Variants in SPATS2L observed in about 807,000 individuals in gnomAD.
SPATS2L encodes SPATS2-like protein.
A neutral mutation model predicts 59.6 loss-of-function variants in SPATS2L; 30 were observed. The observed-to-expected ratio is 0.50, with a 90% CI of 0.38 to 0.68. SPATS2L has a LOEUF of 0.68. Ranked by LOEUF, SPATS2L falls within the 30% of genes least tolerant of loss-of-function variation. SPATS2L has a pLI of 0.00. For synonymous variants in SPATS2L, 252 were observed against 263.5 expected (o/e 0.96, Z 0.42); for missense variants, 615 against 700.0 (o/e 0.88, Z 1.37).
At chr2:200,369,158 A>T (rs559307175) in intron 2 of SPATS2L, among the ~76,000 whole-genome samples, 4 of 150,996 alleles carry the variant, frequency 2.6e-5, no homozygotes, top group African/African-American at 9.7e-5. Context: ...CATTTATTTT[A>T]TTTATTTATT....
rs554677348 is a variant in SPATS2L, at chr2:200,379,464, C to T, written c.-22-9759C>T. ...TTCCCCACAGACCCTGGTGCATTGT[C>T]GGTGTTTAATGAATGTTTGTCAAAT... On this transcript the variant is annotated intron_variant, in intron 2 of 12. Coordinates refer to ENST00000409140, the MANE Select transcript of SPATS2L (RefSeq NM_001100423.2). Among the ~76,000 whole-genome samples, 7 of 152,188 alleles carry T rather than the reference C, an allele frequency of 4.6e-5. No homozygotes were observed. In the South Asian group the frequency reaches 1.0e-3, roughly 23 times the overall value.
At chr2:200,446,079 C>T (rs2085023782) in intron 8 of SPATS2L, among the ~76,000 whole-genome samples, 2 of 152,184 alleles carry the variant, frequency 1.3e-5, no homozygotes, top group Admixed American at 1.3e-4. Context: ...TGGCTCACGC[C>T]TGTAATCCCA....
At chr2:200,380,138 G>A (rs1014736155) in intron 2 of SPATS2L, among the ~76,000 whole-genome samples, 10 of 152,118 alleles carry the variant, frequency 6.6e-5, no homozygotes, top group Admixed American at 2.0e-4. Context: ...CCTGCCGTGC[G>A]TCCTCCTCCC....
chr2:200,328,744 T>C (rs997162027), intron 1 of SPATS2L, among the ~76,000 whole-genome samples: 1 of 152,192 alleles, frequency 6.6e-6, no homozygotes, highest in African/African-American at 2.4e-5. Flanking sequence ...AAGTGATGGG[T>C]GACCGAGTGA....
intron 5 of SPATS2L, 105 bp from the exon 6 acceptor site, chr2:200,419,145 C>A (rs1219573005): frequency 8.5e-7 from 1 of 1,173,138 alleles, no homozygotes; most frequent in Non-Finnish European, 1.2e-6. Context: ...ATAAGAAGAG[C>A]CAGGAACCAA....
chr2:200,385,756 G>A (rs1352696186), intron 2 of SPATS2L, among the ~76,000 whole-genome samples: 4 of 151,728 alleles, frequency 2.6e-5, no homozygotes, highest in Non-Finnish European at 4.4e-5. Flanking sequence ...GCAGTGGTGC[G>A]ATCTTGGCTC....
At chr2:200,448,537 GT>G (rs534846616) in intron 8 of SPATS2L, among the ~76,000 whole-genome samples, 1 of 152,186 alleles carries the variant, frequency 6.6e-6, no homozygotes, top group Non-Finnish European at 1.5e-5. Context: ...TTTGAATTGT[GT>G]TTTTTAATGT....
At chr2:200,448,350 G>A (rs1267464726) in intron 8 of SPATS2L, among the ~76,000 whole-genome samples, 1 of 152,174 alleles carries the variant, frequency 6.6e-6, no homozygotes, top group Non-Finnish European at 1.5e-5. Flanking sequence ...GCTGAGGCAG[G>A]AGAATCACTT....
chr2:200,473,828 T>C (rs530761502), intron 12 of SPATS2L, among the ~76,000 whole-genome samples: 19 of 152,064 alleles, frequency 1.2e-4, no homozygotes, highest in South Asian at 2.1e-4. Context: ...GGTGAAACCC[T>C]GTCTCTACTA....
At chr2:200,372,334 A>G (rs2081453016) in intron 2 of SPATS2L, 1 of 266,932 alleles carries the variant, frequency 3.7e-6, no homozygotes. Flanking sequence ...GAGTCTCACT[A>G]CCTCCCAGGA....
At chr2:200,454,625 T>C (rs893943648) in intron 8 of SPATS2L, among the ~76,000 whole-genome samples, 1 of 152,342 alleles carries the variant, frequency 6.6e-6, no homozygotes, top group East Asian at 1.9e-4. Context: ...CCTTACACCT[T>C]ATTGCTTTGA....
chr2:200,427,152 G>C (rs1174531766), intron 6 of SPATS2L, among the ~76,000 whole-genome samples: 3 of 152,038 alleles, frequency 2.0e-5, no homozygotes, highest in Non-Finnish European at 4.4e-5. Flanking sequence ...TTAATTAAAT[G>C]GAATGTACCA....
At chr2:200,309,080 C>T (rs1315089124) in intron 1 of SPATS2L, 2 of 717,956 alleles carry the variant, frequency 2.8e-6, no homozygotes, top group Non-Finnish European at 5.2e-6. Flanking sequence ...TTTATGGACC[C>T]GTTTTGCCAT....
At chr2:200,431,806 T>C (rs891340743) in intron 6 of SPATS2L, among the ~76,000 whole-genome samples, 1 of 152,226 alleles carries the variant, frequency 6.6e-6, no homozygotes, top group African/African-American at 2.4e-5. Context: ...AGTTTATATA[T>C]TTCCCCCAAG....
chr2:200,440,637 C>T lies in SPATS2L; in HGVS notation c.653-12C>T, dbSNP rs946010638. The T allele has an allele frequency of 8.1e-6, 13 of 1,607,488 alleles. No individual in the cohort carries two copies. The highest frequency in any genetic ancestry group is 1.0e-5 in the Non-Finnish European group (12 of 1,175,978). On this transcript the variant is annotated splice_polypyrimidine_tract_variant and intron_variant, in intron 7 of 12. Transcript: ENST00000409140. ...TGCTCAAGTTAATAATATTTTTTGA[C>T]ATCAATTTTAGGCCCAAATATTGAG...
At chr2:200,342,594 G>A (rs2080368605) in intron 2 of SPATS2L, among the ~76,000 whole-genome samples, 1 of 152,224 alleles carries the variant, frequency 6.6e-6, no homozygotes, top group South Asian at 2.1e-4. Flanking sequence ...GTCCCATGGG[G>A]GAAGTGGAGA....
At chr2:200,316,517 T>A (rs1240322223) in intron 1 of SPATS2L, among the ~76,000 whole-genome samples, 1 of 152,252 alleles carries the variant, frequency 6.6e-6, no homozygotes. Flanking sequence ...GGCATACAGC[T>A]TCCTTTCATC....
At chr2:200,466,011 G>A (rs749876461) in intron 9 of SPATS2L, among the ~76,000 whole-genome samples, 3 of 152,204 alleles carry the variant, frequency 2.0e-5, no homozygotes, top group Admixed American at 6.5e-5. Context: ...CAGCCTGGAC[G>A]AAAGAGCGAG....
Position 200,467,304 on chromosome 2 carries a change from G to A in SPATS2L, c.862G>A (p.Ala288Thr), listed in dbSNP as rs778340247. 1.9e-6 allele frequency: 3 copies of A among 1,613,502 alleles called. No homozygotes were observed. Residue 288 changes from alanine (A) to threonine (T), a missense_variant, in exon 10 of 13, where the codon GCT (alanine) becomes ACT (threonine). Coordinates refer to ENST00000409140, the MANE Select transcript of SPATS2L (RefSeq NM_001100423.2). The stretch of plus-strand genomic sequence containing the variant: ...TTATTTGGCAGTGGAAATCCTGACT[G>A]CTCGTCAGAAGAAAGCAGAAGAACT... The part of the protein sequence containing the change: ...VKEEAMEILT[A>T]RQKKAEELKR...
Sources: gnomAD v4.1 joint callset for allele counts (sites outside exome capture counted in the v4.1 genomes callset) on GRCh38, gnomAD v4.1.1 for gene constraint, MANE v1.5 for transcripts, NCBI Gene and HGNC (gene_info 2026-07-23, HGNC 2026-07-21) for gene names.